The following MYO16 variants were observed in gnomAD, a reference collection of about 807,000 sequenced individuals.
MYO16 encodes myosin XVI, also known as unconventional myosin-XVI.
MYO16 carries 94 observed loss-of-function variants against 205.3 expected under a neutral mutation model. That is an observed-to-expected ratio of 0.46 (90% CI 0.39 to 0.54). MYO16 has a LOEUF of 0.54. MYO16 is among the 20% of genes least tolerant of loss of function. The pLI is 0.00. For synonymous variants in MYO16, 988 were observed against 954.0 expected, an observed-to-expected ratio of 1.04 and a Z score of -0.66; for missense variants, 2,315 against 2,387.5, an observed-to-expected ratio of 0.97 and a Z score of 0.63.
At chr13:109,017,096 C>T (rs1307519652) in intron 22 of MYO16, among the ~76,000 whole-genome samples, 1 of 152,164 alleles carries the variant, frequency 6.6e-6, no homozygotes, top group East Asian at 1.9e-4. Flanking sequence ...TTAGCAGTGG[C>T]TGGTACTGGT....
chr13:109,196,808 G>A (rs1050489742), intron 34 of MYO16, among the ~76,000 whole-genome samples: 2 of 152,122 alleles, frequency 1.3e-5, no homozygotes, highest in African/African-American at 4.8e-5. Flanking sequence ...ACTGCAAGTG[G>A]CCCCCAAACT....
intron 9 of MYO16, among the ~76,000 whole-genome samples, chr13:108,828,037 A>G (rs542027767): frequency 1.3e-5 from 2 of 152,236 alleles, no homozygotes; most frequent in African/African-American, 2.4e-5. Context: ...TTGACAACTG[A>G]TATTTTTTAC....
At chr13:108,953,656 G>GT (rs1008368049) in intron 16 of MYO16, among the ~76,000 whole-genome samples, 2 of 150,112 alleles carry the variant, frequency 1.3e-5, no homozygotes, top group Non-Finnish European at 1.5e-5. Context: ...TATTTTCCAA[G>GT]TTTTTTTGCC....
chr13:108,858,117 G>A (rs1375931269), intron 11 of MYO16, among the ~76,000 whole-genome samples: 2 of 152,174 alleles, frequency 1.3e-5, no homozygotes, highest in African/African-American at 4.8e-5. Flanking sequence ...CTGTGGACTA[G>A]TAGATATATG....
At chr13:108,850,082 C>T (rs113070499) in intron 10 of MYO16, among the ~76,000 whole-genome samples, 1 of 150,282 alleles carries the variant, frequency 6.7e-6, no homozygotes, top group Non-Finnish European at 1.5e-5. Flanking sequence ...GGGTTATTTG[C>T]GCCTAGACTG....
intron 4 of MYO16, among the ~76,000 whole-genome samples, chr13:108,742,570 A>G (rs1016352238): frequency 6.6e-6 from 1 of 152,198 alleles, no homozygotes; most frequent in African/African-American, 2.4e-5. Context: ...TCCAAGCACC[A>G]ATGCTCTATA....
rs182933645 is a variant in MYO16 at position 108,867,871 on chromosome 13, C to T, written c.1425+1629C>T. Among the ~76,000 whole-genome samples, 148 of 152,262 alleles carry T rather than the reference C, an allele frequency of 9.7e-4. 1 individual carries two copies. The highest frequency in any genetic ancestry group is 3.1e-3 in the African/African-American group (127 of 41,552). On this transcript the variant is annotated intron_variant, in intron 12 of 34. Transcript: ENST00000457511. The stretch of plus-strand genomic sequence containing the variant: ...TACAATTCCAACTACTCTCGCCCTC[C>T]GCTTTGCATGGTTGAACTTTATATG...
At chr13:109,074,517 T>G (rs1218814444) in intron 27 of MYO16, among the ~76,000 whole-genome samples, 2 of 152,112 alleles carry the variant, frequency 1.3e-5, no homozygotes, top group African/African-American at 2.4e-5. Flanking sequence ...GTGCCACACT[T>G]AAGCCCTCAG....
At chr13:108,571,126 C>T in the MYO16 span, among the ~76,000 whole-genome samples, 7 of 152,124 alleles carry the variant, frequency 4.6e-5, no homozygotes, top group African/African-American at 1.7e-4. Flanking sequence ...GTTTGTTCTG[C>T]AGTTGCCATT....
At chr13:109,064,623 GT>G (rs1887689377) in intron 27 of MYO16, among the ~76,000 whole-genome samples, 1 of 152,060 alleles carries the variant, frequency 6.6e-6, no homozygotes, top group Non-Finnish European at 1.5e-5. Flanking sequence ...TATTGTTTTT[GT>G]TTTTAATGGG....
chr13:109,154,911 G>GAAAAAAAAAAAAAAAAAAAAAAAAAA (rs59465499), intron 32 of MYO16, among the ~76,000 whole-genome samples: 1 of 62,684 alleles, frequency 1.6e-5, no homozygotes, highest in Non-Finnish European at 3.0e-5. Flanking sequence ...GGCTAATTAT[G>GAAAAAAAAAAAAAAAAAAAAAAAAAA]AAAAAAAAAA....
chr13:108,584,572 C>T, the MYO16 span, among the ~76,000 whole-genome samples: 1 of 152,106 alleles, frequency 6.6e-6, no homozygotes, highest in African/African-American at 2.4e-5. Flanking sequence ...AACTCATTCC[C>T]TCCATCTTGC....
At position 109,140,188 on chromosome 13, in the gene MYO16, C is replaced by T. The variant is rs572139671; in HGVS notation, c.4052-76C>T. The T allele has an allele frequency of 9.6e-6, 15 of 1,555,634 alleles. No individual in the cohort carries two copies. Among genetic ancestry groups the T allele is most frequent in the South Asian group, 5.8e-5 (5 of 85,766 alleles). On this transcript the variant is annotated intron_variant, in intron 31 of 34. Transcript: ENST00000457511. The surrounding 1 kb of genome is among the most constrained non-coding windows in gnomAD (Gnocchi z 8.0). ...CGGGGCACGGGGCCGTGGCTCCCTC[C>T]GAGTCGAGCCCCGGGCTTGGTGGGC...
At chr13:108,828,152 A>G (rs1470985023) in intron 9 of MYO16, among the ~76,000 whole-genome samples, 1 of 152,192 alleles carries the variant, frequency 6.6e-6, no homozygotes, top group African/African-American at 2.4e-5. Context: ...CATTTGATAC[A>G]CACCTAGCTG....
Position 108,795,614 on chromosome 13 carries a change from GA to G in MYO16, c.741+1978del, listed in dbSNP as rs574427281. Among the ~76,000 whole-genome samples the G allele has an allele frequency of 5.3e-4, 81 of 152,206 alleles. 1 individual carries two copies. Among genetic ancestry groups the G allele is most frequent in the African/African-American group, 1.9e-3 (80 of 41,558 alleles). On this transcript the variant is annotated intron_variant, in intron 6 of 34. Coordinates refer to ENST00000457511, the MANE Select transcript of MYO16 (RefSeq NM_001198950.3). ...CTATAACAACGTAACTCTGTCATAAGAAAAGAAAGCAAAGCATATTTAGAGT... is the reference window on the plus strand; with the variant it reads ...CTATAACAACGTAACTCTGTCATAAGAAAGAAAGCAAAGCATATTTAGAGT...
intron 16 of MYO16, among the ~76,000 whole-genome samples, chr13:108,921,644 G>A (rs2139265529): frequency 6.6e-6 from 1 of 152,342 alleles, no homozygotes; most frequent in African/African-American, 2.4e-5. Context: ...TTCCATGACT[G>A]CAGCCATTTA....
At chr13:109,066,940 A>G (rs1334879563) in intron 27 of MYO16, among the ~76,000 whole-genome samples, 1 of 151,688 alleles carries the variant, frequency 6.6e-6, no homozygotes, top group African/African-American at 2.4e-5. Flanking sequence ...CTCGGATCCT[A>G]ATTTCTACTC....
chr13:108,663,623 T>A (rs1015581388), intron 1 of MYO16, among the ~76,000 whole-genome samples: 8 of 152,162 alleles, frequency 5.3e-5, no homozygotes, highest in Non-Finnish European at 1.0e-4. Context: ...ACCCTCTACA[T>A]TCCCTCTTGA....
chr13:108,818,392 AAT>A (rs1338659638), intron 7 of MYO16, among the ~76,000 whole-genome samples: 6 of 151,514 alleles, frequency 4.0e-5, no homozygotes, highest in South Asian at 2.1e-4. Flanking sequence ...TCAAAAAAAA[AAT>A]AATAATAATA....
Sources: allele counts gnomAD v4.1 joint callset (sites outside exome capture counted in the v4.1 genomes callset), GRCh38; gene constraint gnomAD v4.1.1; non-coding constraint Gnocchi (gnomAD v3.1); transcripts MANE v1.5; gene names NCBI Gene and HGNC (gene_info 2026-07-23, HGNC 2026-07-21).